DOLPP1: variants seen among roughly 807,000 people sequenced by gnomAD.
The protein encoded by DOLPP1 is dolichyldiphosphatase 1.
Under a neutral mutation model 34.1 loss-of-function variants are expected in DOLPP1, and 15 were observed. The ratio of observed to expected loss-of-function variants is 0.44; its 90% CI spans 0.29 to 0.68. DOLPP1 has a LOEUF of 0.68. Among genes scored for constraint, DOLPP1 ranks in the 30% least tolerant of loss-of-function variants. DOLPP1 has a pLI of 0.12. For synonymous variants in DOLPP1, 130 were observed against 128.2 expected, an observed-to-expected ratio of 1.01 and a Z score of -0.10; for missense variants, 249 against 307.1, an observed-to-expected ratio of 0.81 and a Z score of 1.41.
intron 1 of DOLPP1, among the ~76,000 whole-genome samples, chr9:129,082,029 C>T (rs748144133): frequency 1.5e-4 from 23 of 152,182 alleles, no homozygotes; most frequent in Non-Finnish European, 2.6e-4. Flanking sequence ...GCAGGAGGCA[C>T]AAGAAGGGCT....
intron 2 of DOLPP1, 121 bp downstream of exon 2, chr9:129,084,889 G>C (rs1039869730): frequency 1.6e-6 from 2 of 1,258,080 alleles, no homozygotes; most frequent in East Asian, 2.4e-5. Context: ...CTTGAGGTGC[G>C]TGGAGCCTCC....
rs771753768 is a variant in DOLPP1, at chr9:129,086,197, C to G, written c.520C>G (p.Leu174Val). Residue 174 changes from leucine to valine, a missense_variant, in exon 6 of 8, where the codon CTC becomes GTC. Leu to Val is a conservative substitution (Grantham distance 32, BLOSUM62 1). Transcript: ENST00000372546. ...GCTCTATGGAGGCATCGCTGGAGGCCTCATGGCCATCGCCTGGTTCATCTT... is the reference window on the plus strand; with the variant it reads ...GCTCTATGGAGGCATCGCTGGAGGCGTCATGGCCATCGCCTGGTTCATCTT... ...QVLYGGIAGGLMAIAWFIFTQ... is the reference protein window; with the variant it reads ...QVLYGGIAGGVMAIAWFIFTQ... The G allele has an allele frequency of 1.2e-6, 2 of 1,613,498 alleles. No individual in the cohort carries two copies. The highest frequency in any genetic ancestry group is 1.7e-6 in the Non-Finnish European group (2 of 1,179,966).
Position 129,085,798 on chromosome 9 carries a change from G to C in DOLPP1, c.461+182G>C, listed in dbSNP as rs1005826561. ...CCAGCTGCCTCTTCTAGCCCAGTCC[G>C]CACTGAGCCCAAGATTCTGGGACCA... On this transcript the variant is annotated intron_variant, in intron 5 of 7. Transcript: ENST00000372546. This position sits in a 1 kb window ranked among gnomAD's most constrained non-coding sequence, Gnocchi z 7.0. Among the ~76,000 whole-genome samples, 12 of 152,208 alleles carry C rather than the reference G, an allele frequency of 7.9e-5. No individual in the cohort carries two copies. Among genetic ancestry groups the C allele is most frequent in the Non-Finnish European group, 1.8e-4 (12 of 68,036 alleles).
At position 129,086,277 on chromosome 9, in the gene DOLPP1, T is replaced by G; in HGVS notation, c.590+10T>G. The G allele has an allele frequency of 3.7e-6, 6 of 1,612,586 alleles. No individual in the cohort carries two copies. The Admixed American group carries it at 1.0e-4, about 27-fold the overall frequency. ...CCAGGATAGCAGCCTGGTAACTGCC[T>G]CCTGCCTTCCTGGGCACTGTGGGCC... On this transcript the variant is annotated intron_variant, in intron 6 of 7. Coordinates refer to ENST00000372546, the MANE Select transcript of DOLPP1 (RefSeq NM_020438.5).
rs747710091 is a variant in DOLPP1 at position 129,085,090 on chromosome 9, AGCCACG to A, written c.249_254del (p.Arg84_Pro85del). On this transcript the variant is annotated inframe_deletion, in exon 3 of 8. Transcript: ENST00000372546. This position sits in a 1 kb window ranked among gnomAD's most constrained non-coding sequence, Gnocchi z 7.0. ...TGGCTGATCAAAAACGTCATCCAGG[AGCCACG>A]GCCCTGTGGAGGTAGGGCCTCAGCT... 6.3e-7 allele frequency: 1 copy of A among 1,594,750 alleles called. No individual in the cohort carries two copies. The highest frequency in any genetic ancestry group is 1.1e-5 in the South Asian group (1 of 87,918).
At position 129,090,186 on chromosome 9, in the gene DOLPP1, C is replaced by T. The variant is rs371938742; in HGVS notation, c.*1179C>T. 1 of 152,632 alleles carries T rather than the reference C, an allele frequency of 6.6e-6. No individual in the cohort carries two copies. Among genetic ancestry groups the T allele is most frequent in the African/African-American group, 2.4e-5 (1 of 41,446 alleles). 9.5% of individuals were successfully genotyped at this position (152,632 alleles called of 1,614,324 possible). Reference sequence around the variant, plus strand: ...CCCACCCCTTTCTTTGTGGAGTTTCCTAACCTGCTGCTGAAGCACAATGTT... The same window carrying T: ...CCCACCCCTTTCTTTGTGGAGTTTCTTAACCTGCTGCTGAAGCACAATGTT... On this transcript the variant is annotated 3_prime_UTR_variant, in exon 8 of 8. Transcript: ENST00000372546.
At chr9:129,087,203 G>GC (rs1203327080) in intron 7 of DOLPP1, among the ~76,000 whole-genome samples, 1 of 152,216 alleles carries the variant, frequency 6.6e-6, no homozygotes, top group Non-Finnish European at 1.5e-5. Context: ...CTGTAGTTGT[G>GC]CAGCAAGTCA....
At chr9:129,087,014 CAGG>C (rs1420236410) in intron 7 of DOLPP1, among the ~76,000 whole-genome samples, 3 of 152,216 alleles carry the variant, frequency 2.0e-5, no homozygotes, top group Non-Finnish European at 2.9e-5. Flanking sequence ...GGTGGGGGAG[CAGG>C]GTGGTGAACC....
chr9:129,088,036 G>C (rs928568929), intron 7 of DOLPP1, among the ~76,000 whole-genome samples: 1 of 151,250 alleles, frequency 6.6e-6, no homozygotes, highest in East Asian at 1.9e-4. Flanking sequence ...CTGTGTTCAC[G>C]GCAGGCAGGG....
chr9:129,086,066 A>T (rs2131416734), intron 5 of DOLPP1, 73 bp from the exon 6 acceptor site: 3 of 1,485,996 alleles, frequency 2.0e-6, no homozygotes, highest in South Asian at 2.4e-5. Flanking sequence ...GGAAGCTGGC[A>T]CATGGGCAGT....
intron 7 of DOLPP1, among the ~76,000 whole-genome samples, chr9:129,088,214 T>C (rs1768696871): frequency 6.6e-6 from 1 of 150,712 alleles, no homozygotes; most frequent in Admixed American, 6.6e-5. Context: ...GGAAACGTTC[T>C]CAGCAGAGGG....
intron 7 of DOLPP1, among the ~76,000 whole-genome samples, chr9:129,087,916 G>A (rs960108743): frequency 6.6e-6 from 1 of 151,678 alleles, no homozygotes; most frequent in Non-Finnish European, 1.5e-5. Flanking sequence ...GCCCTGCCCC[G>A]CCTGGCCGGC....
Position 129,090,257 on chromosome 9 carries a change from A to G in DOLPP1, c.*1250A>G, listed in dbSNP as rs1005389096. The G allele has an allele frequency of 1.3e-5, 2 of 152,666 alleles. No homozygotes were observed. The highest frequency in any genetic ancestry group is 4.8e-5 in the African/African-American group (2 of 41,458). The allele number at this position is 152,666 out of a possible 1,614,324, so 9.5% of individuals were successfully genotyped here. On this transcript the variant is annotated 3_prime_UTR_variant, in exon 8 of 8. Coordinates refer to ENST00000372546, the MANE Select transcript of DOLPP1 (RefSeq NM_020438.5). ...TTGTTAAAGGCAGTGTCCAAAAGCC[A>G]TTCCAGATGCCAAGACCAGGGGCTT...
In DOLPP1 at chr9:129,085,186, C is replaced by T. The variant is rs1321794174; in HGVS notation, c.263-21C>T. On this transcript the variant is annotated intron_variant, in intron 3 of 7. Coordinates refer to ENST00000372546, the MANE Select transcript of DOLPP1 (RefSeq NM_020438.5). This position sits in a 1 kb window ranked among gnomAD's most constrained non-coding sequence, Gnocchi z 7.0. ...GAGGTCTGCATCCCCCCGTGATGCC[C>T]TGGTCTCCTCTCTCTCCCAGGCCCC... The T allele has an allele frequency of 3.1e-6, 5 of 1,613,310 alleles. No homozygotes were observed. Among genetic ancestry groups the T allele is most frequent in the Non-Finnish European group, 4.2e-6 (5 of 1,179,414 alleles).
intron 6 of DOLPP1, 35 bp from the exon 7 acceptor site, chr9:129,086,674 A>T: frequency 6.3e-7 from 1 of 1,594,340 alleles, no homozygotes; most frequent in Non-Finnish European, 8.6e-7. Flanking sequence ...TCATGCCCTG[A>T]TGTGCCCCTG....
chr9:129,083,257 G>A (rs17485933), intron 1 of DOLPP1, among the ~76,000 whole-genome samples: 1,677 of 152,300 alleles, frequency 0.011, 25 homozygotes, highest in African/African-American at 0.038. Context: ...AAACCCCAGG[G>A]TAGTGCTGGC....
In DOLPP1 at chr9:129,085,163, G is replaced by A. The variant is rs748050901; in HGVS notation, c.263-44G>A. The A allele has an allele frequency of 2.5e-6, 4 of 1,610,982 alleles. No individual in the cohort carries two copies. The African/African-American group carries it at 5.3e-5, about 22-fold the overall frequency. On this transcript the variant is annotated intron_variant, in intron 3 of 7. Coordinates refer to ENST00000372546, the MANE Select transcript of DOLPP1 (RefSeq NM_020438.5). This position sits in a 1 kb window ranked among gnomAD's most constrained non-coding sequence, Gnocchi z 7.0. ...CCCCCAGGTTGGGGCGTTACTGGGA[G>A]GTCTGCATCCCCCCGTGATGCCCTG...
Position 129,085,391 on chromosome 9 carries a change from C to T in DOLPP1, c.362+85C>T. Reference sequence around the variant, plus strand: ...ACTCACTGCTAGCCCTTTGGATGCCCCTGGGGTGGGAGGGGCTGCAGCGGA... The same window carrying T: ...ACTCACTGCTAGCCCTTTGGATGCCTCTGGGGTGGGAGGGGCTGCAGCGGA... On this transcript the variant is annotated intron_variant, in intron 4 of 7. Transcript: ENST00000372546. The surrounding 1 kb of genome is among the most constrained non-coding windows in gnomAD (Gnocchi z 7.0). 6.5e-7 allele frequency: 1 copy of T among 1,529,658 alleles called. No individual in the cohort carries two copies. The highest frequency in any genetic ancestry group is 9.0e-7 in the Non-Finnish European group (1 of 1,105,446). 94.8% of individuals were successfully genotyped at this position (1,529,658 alleles called of 1,614,324 possible).
intron 1 of DOLPP1, among the ~76,000 whole-genome samples, chr9:129,081,710 C>T (rs1846893010): frequency 6.6e-6 from 1 of 152,214 alleles, no homozygotes; most frequent in Non-Finnish European, 1.5e-5. Context: ...ACGCCCTGAG[C>T]AGGGCACGAT....
Sources: gnomAD v4.1 joint callset for allele counts (sites outside exome capture counted in the v4.1 genomes callset) on GRCh38, gnomAD v4.1.1 for gene constraint, Gnocchi (gnomAD v3.1) non-coding constraint, MANE v1.5 for transcripts, NCBI Gene and HGNC (gene_info 2026-07-23, HGNC 2026-07-21) for gene names.